LRRC63: variants seen among roughly 807,000 people sequenced by gnomAD.
LRRC63 encodes the protein leucine rich repeat containing 63.
Under a neutral mutation model 49.5 loss-of-function variants are expected in LRRC63, and 40 were observed. The ratio of observed to expected loss-of-function variants is 0.81; its 90% CI spans 0.63 to 1.05. The LOEUF (loss-of-function observed/expected upper bound fraction) is 1.05, where lower values mean the gene tolerates loss of function less well. LRRC63 is among the 50% of genes least tolerant of loss of function. LRRC63 has a pLI of 0.00. For missense variants in LRRC63, 636 were observed against 663.1 expected (o/e 0.96, Z 0.45); for synonymous variants, 191 against 221.1 (o/e 0.86, Z 1.21).
intron 2 of LRRC63, among the ~76,000 whole-genome samples, chr13:46,223,894 A>C (rs2046491078): frequency 6.6e-6 from 1 of 152,046 alleles, no homozygotes; most frequent in Non-Finnish European, 1.5e-5. Flanking sequence ...AAAACAAAAA[A>C]AACCCACAGA....
intron 9 of LRRC63, chr13:46,270,206 C>A (rs1028611862): frequency 1.4e-5 from 12 of 830,834 alleles, no homozygotes; most frequent in Admixed American, 1.7e-5. Context: ...GCACTCTAAC[C>A]GAATATGTGT....
Position 46,276,852 on chromosome 13 carries a change from TTATA to T in LRRC63, c.*61_*64del, listed in dbSNP as rs552310700. 1.1e-3 allele frequency: 133 copies of T among 120,536 alleles called. 3 individuals are homozygous for T. The highest frequency in any genetic ancestry group is 4.5e-3 in the African/African-American group (118 of 26,392). The allele number at this position is 120,536 out of a possible 1,614,324, so 7.5% of individuals were successfully genotyped here. On this transcript the variant is annotated 3_prime_UTR_variant, in exon 10 of 10. Transcript: ENST00000595396. Reference sequence around the variant, plus strand: ...TGTATATATATATATATATATATATTTATATATATATATATTTATATATATATAT... The same window carrying T: ...TGTATATATATATATATATATATATTTATATATATATTTATATATATATAT...
At chr13:46,239,768 C>T (rs2047002245) in intron 5 of LRRC63, among the ~76,000 whole-genome samples, 1 of 152,178 alleles carries the variant, frequency 6.6e-6, no homozygotes, top group Non-Finnish European at 1.5e-5. Flanking sequence ...TACTGGCAAA[C>T]TGAATCCAGC....
In LRRC63 at chr13:46,258,399, G is replaced by A. The variant is rs181276027; in HGVS notation, c.1227-3510G>A. 3.2e-3 allele frequency among the ~76,000 whole-genome samples: 489 copies of A among 151,178 alleles called. 3 individuals are homozygous for A. The highest frequency in any genetic ancestry group is 0.017 in the Middle Eastern group (5 of 292). On this transcript the variant is annotated intron_variant, in intron 7 of 9. Transcript: ENST00000595396. ...CCACCTCGGCCTCCCAAAGTGCTGG[G>A]ATTACAGGCGTGAGCCCCCGCACCC... is the stretch of plus-strand genomic sequence containing the variant.
rs746309378 is a variant in LRRC63, at chr13:46,241,807, G to GA, written c.991-4711dup. Among the ~76,000 whole-genome samples the GA allele has an allele frequency of 4.8e-5, 7 of 147,196 alleles. No homozygotes were observed. In the East Asian group the frequency reaches 5.9e-4, roughly 12 times the overall value. ...CAGGCAGGATAGCAATTACTAAAAA[G>GA]AAAAAAAAATAACAGATGCTGTTGA... On this transcript the variant is annotated intron_variant, in intron 5 of 9. Coordinates refer to ENST00000595396, the Ensembl canonical transcript of LRRC63.
At chr13:46,230,053 A>T (rs7328797) in intron 4 of LRRC63, among the ~76,000 whole-genome samples, 21,687 of 152,058 alleles carry the variant, frequency 0.14, 2,226 homozygotes, top group African/African-American at 0.28. Flanking sequence ...GCCATGAGGG[A>T]TCTACTCCCA....
chr13:46,276,185 A>C (rs1035336354), intron 9 of LRRC63, among the ~76,000 whole-genome samples: 2 of 151,532 alleles, frequency 1.3e-5, no homozygotes, highest in African/African-American at 4.9e-5. Context: ...TTATGATAGT[A>C]CCTTTATTTT....
At chr13:46,243,359 A>G (rs1594060965) in intron 5 of LRRC63, among the ~76,000 whole-genome samples, 1 of 152,320 alleles carries the variant, frequency 6.6e-6, no homozygotes, top group Non-Finnish European at 1.5e-5. Flanking sequence ...TTAAACACAA[A>G]GGTAGTAAGA....
Position 46,266,849 on chromosome 13 carries a change from G to A in LRRC63, c.1427G>A (p.Trp476Ter). 1 of 1,549,570 alleles carries A rather than the reference G, an allele frequency of 6.5e-7. No homozygotes were observed. Among genetic ancestry groups the A allele is most frequent in the Non-Finnish European group, 8.7e-7 (1 of 1,146,632 alleles). ...AATAATTTCACTCATCCTTGTTTTT[G>A]GAGAGATAATTATTTGAATAATCCA... The change falls in exon 9 of 10, where the codon TGG becomes TAG. Residue 476 changes from tryptophan (W) to a stop codon, truncating the protein, a stop_gained. Transcript: ENST00000595396. LOFTEE classifies it high-confidence loss of function.
intron 5 of LRRC63, among the ~76,000 whole-genome samples, chr13:46,241,469 G>T (rs2047060673): frequency 6.6e-6 from 1 of 152,194 alleles, no homozygotes; most frequent in Non-Finnish European, 1.5e-5. Flanking sequence ...AAAATTGACA[G>T]ATGGGGTATA....
chr13:46,239,399 A>C (rs948969804), intron 5 of LRRC63, among the ~76,000 whole-genome samples: 2 of 152,154 alleles, frequency 1.3e-5, no homozygotes, highest in Non-Finnish European at 2.9e-5. Context: ...GAGATGGATA[A>C]ATTCCCAGAC....
Position 46,243,816 on chromosome 13 carries a change from A to C in LRRC63, c.991-2711A>C, listed in dbSNP as rs935955281. Among the ~76,000 whole-genome samples, 3 of 152,336 alleles carry C rather than the reference A, an allele frequency of 2.0e-5. No individual in the cohort carries two copies. In the East Asian group the frequency reaches 5.8e-4, roughly 29 times the overall value. On this transcript the variant is annotated intron_variant, in intron 5 of 9. Transcript: ENST00000595396. ...TTAAAGAATTTGTTTGCTATTTTGC[A>C]CATTTCTGCCTTAAGACTGTGTTTC...
chr13:46,274,686 T>C (rs910329926), intron 9 of LRRC63, among the ~76,000 whole-genome samples: 21 of 152,230 alleles, frequency 1.4e-4, no homozygotes, highest in Non-Finnish European at 2.8e-4. Context: ...AGCATAAGAA[T>C]GATAGAAATT....
rs138708712 is a variant in LRRC63 at position 46,216,066 on chromosome 13, G to A, written c.85+2947G>A. ...CAGGTAGCGTGATGCCTCCAGCTTC[G>A]TTCTTTTTGCTTAGGATTGTCTTGG... On this transcript the variant is annotated intron_variant, in intron 2 of 9. Coordinates refer to ENST00000595396, the Ensembl canonical transcript of LRRC63. Among the ~76,000 whole-genome samples the A allele has an allele frequency of 3.1e-3, 470 of 152,194 alleles. 2 individuals are homozygous for A. The highest frequency in any genetic ancestry group is 0.01 in the African/African-American group (428 of 41,502).
At chr13:46,261,909 G>A (rs2047620698) in exon 8 of LRRC63, 2 of 985,636 alleles carry the variant, frequency 2.0e-6, no homozygotes, top group East Asian at 6.5e-5. Flanking sequence ...TCTATTTAAG[G>A]TTATTTTCCT....
At chr13:46,256,030 A>G (rs966648029) in intron 7 of LRRC63, among the ~76,000 whole-genome samples, 15 of 152,236 alleles carry the variant, frequency 9.9e-5, no homozygotes, top group African/African-American at 3.6e-4. Flanking sequence ...TGTTGTATAT[A>G]TCAGTATTCC....
Position 46,234,371 on chromosome 13 carries a change from A to G in LRRC63, c.990+22A>G, listed in dbSNP as rs533595119. 33 of 1,546,508 alleles carry G rather than the reference A, an allele frequency of 2.1e-5. 1 individual carries two copies. The East Asian group carries it at 2.7e-4, about 13-fold the overall frequency. On this transcript the variant is annotated intron_variant, in intron 5 of 9. Coordinates refer to ENST00000595396, the Ensembl canonical transcript of LRRC63. ...GAAGGTATGCTAGATCTTTTTAATG[A>G]CAGTGCCCTCCTGTATTATCAATTA...
At chr13:46,254,759 C>A (rs953987578) in intron 7 of LRRC63, among the ~76,000 whole-genome samples, 5 of 152,160 alleles carry the variant, frequency 3.3e-5, no homozygotes, top group Non-Finnish European at 7.4e-5. Flanking sequence ...ATGCTGTGGG[C>A]TTAGCTGAGA....
intron 2 of LRRC63, among the ~76,000 whole-genome samples, chr13:46,213,452 T>C (rs2046154181): frequency 2.0e-5 from 3 of 152,190 alleles, no homozygotes; most frequent in African/African-American, 7.2e-5. Context: ...CAAGGCTACC[T>C]CTACCTTCTT....
Sources: gnomAD v4.1 joint callset for allele counts (sites outside exome capture counted in the v4.1 genomes callset) on GRCh38, gnomAD v4.1.1 for gene constraint, MANE v1.5 for transcripts, NCBI Gene and HGNC (gene_info 2026-07-23, HGNC 2026-07-21) for gene names.